The following THSD7B variants were observed in gnomAD, a reference collection of about 807,000 sequenced individuals.
THSD7B encodes the protein thrombospondin type 1 domain containing 7B, also known as thrombospondin type-1 domain-containing protein 7B.
A neutral mutation model predicts 213.6 loss-of-function variants in THSD7B; 138 were observed. That is an observed-to-expected ratio of 0.65 (90% CI 0.56 to 0.74). The LOEUF (loss-of-function observed/expected upper bound fraction) is 0.74. Ranked by LOEUF, THSD7B falls within the 30% of genes least tolerant of loss-of-function variation. The pLI, the probability that THSD7B is intolerant of heterozygous loss-of-function variation, is 0.00. For synonymous variants in THSD7B, 742 were observed against 687.0 expected (o/e 1.08, Z -1.25); for missense variants, 1,931 against 1,991.5 (o/e 0.97, Z 0.58).
At chr2:137,313,241 G>T (rs1161088902) in intron 12 of THSD7B, among the ~76,000 whole-genome samples, 1 of 152,174 alleles carries the variant, frequency 6.6e-6, no homozygotes, top group Non-Finnish European at 1.5e-5. Flanking sequence ...TTGTTGAATT[G>T]ATCCCTTTAC....
At chr2:136,775,188 C>T (rs999323211) in intron 1 of THSD7B, among the ~76,000 whole-genome samples, 3 of 152,070 alleles carry the variant, frequency 2.0e-5, no homozygotes, top group African/African-American at 7.2e-5. Flanking sequence ...TCGTTGCCAC[C>T]TTGCAGGGTA....
chr2:137,415,055 CA>C (rs56403642), intron 14 of THSD7B, among the ~76,000 whole-genome samples: 12 of 122,772 alleles, frequency 9.8e-5, no homozygotes, highest in African/African-American at 1.4e-4. Flanking sequence ...GACCCTGTCT[CA>C]AAAAAAAAAA....
chr2:136,908,364 G>A (rs1684202588), intron 2 of THSD7B, among the ~76,000 whole-genome samples: 1 of 152,272 alleles, frequency 6.6e-6, no homozygotes, highest in Admixed American at 6.5e-5. Flanking sequence ...AGAAAACTAT[G>A]AGATTATCAT....
intron 4 of THSD7B, among the ~76,000 whole-genome samples, chr2:137,095,842 T>G (rs1688030240): frequency 6.6e-6 from 1 of 152,070 alleles, no homozygotes; most frequent in African/African-American, 2.4e-5. Context: ...ACTATAGGCA[T>G]GTGCTACAGT....
intron 2 of THSD7B, among the ~76,000 whole-genome samples, chr2:136,978,623 C>T (rs1685525263): frequency 6.6e-6 from 1 of 152,068 alleles, no homozygotes; most frequent in Non-Finnish European, 1.5e-5. Flanking sequence ...CTTTTTTCTA[C>T]TTTCTGTTTG....
intron 2 of THSD7B, among the ~76,000 whole-genome samples, chr2:136,983,377 A>ACAGACACACACACACACACACACACT (rs1553462398): frequency 1.4e-4 from 20 of 146,302 alleles, no homozygotes; most frequent in African/African-American, 2.9e-4. Flanking sequence ...ACACGCACAC[A>ACAGACACACACACACACACACACACT]CACTCACTCT....
At chr2:136,795,702 A>G (rs1682047997) in intron 1 of THSD7B, among the ~76,000 whole-genome samples, 1 of 151,652 alleles carries the variant, frequency 6.6e-6, no homozygotes, top group African/African-American at 2.4e-5. Flanking sequence ...TTTATTTTCT[A>G]TTTGTTGCAT....
At chr2:137,212,359 A>C (rs953867711) in intron 7 of THSD7B, among the ~76,000 whole-genome samples, 1 of 152,068 alleles carries the variant, frequency 6.6e-6, no homozygotes, top group African/African-American at 2.4e-5. Flanking sequence ...AATGGTACAC[A>C]TAAGTTATTC....
At position 137,098,780 on chromosome 2, in the gene THSD7B, G is replaced by A. The variant is rs191109538; in HGVS notation, c.1199+3659G>A. ...CATTTTCACACTAAACACTATGAGT[G>A]ACTGTCCCTAAGGCATGACTCCATG... is the stretch of plus-strand genomic sequence containing the variant. On this transcript the variant is annotated intron_variant, in intron 4 of 27. Coordinates refer to ENST00000409968, the MANE Select transcript of THSD7B (RefSeq NM_001316349.2). Among the ~76,000 whole-genome samples the A allele has an allele frequency of 8.5e-4, 130 of 152,212 alleles. 1 individual carries two copies. The highest frequency in any genetic ancestry group is 1.4e-3 in the Non-Finnish European group (97 of 68,024).
At chr2:137,453,348 GAGACAGAGTCTCAC>G in intron 15 of THSD7B, among the ~76,000 whole-genome samples, 1 of 12,132 alleles carries the variant, frequency 8.2e-5, no homozygotes, top group African/African-American at 3.3e-4. Flanking sequence ...TTTTTTTTTT[GAGACAGAGTCTCAC>G]TCTGTCTCCC....
intron 15 of THSD7B, among the ~76,000 whole-genome samples, chr2:137,501,466 G>T (rs957412783): frequency 6.6e-5 from 10 of 151,886 alleles, no homozygotes; most frequent in Non-Finnish European, 1.3e-4. Flanking sequence ...TTTATTAAGA[G>T]ATCAAAATAT....
intron 1 of THSD7B, among the ~76,000 whole-genome samples, chr2:136,823,995 T>C (rs770389552): frequency 4.7e-4 from 72 of 152,316 alleles, no homozygotes; most frequent in Admixed American, 2.4e-3. Flanking sequence ...TGGCTCAGAA[T>C]TGTACTAAAC....
chr2:136,933,173 C>T (rs1684663581), intron 2 of THSD7B, among the ~76,000 whole-genome samples: 1 of 95,420 alleles, frequency 1.0e-5, no homozygotes, highest in Non-Finnish European at 2.0e-5. Flanking sequence ...CCTTCCTGTT[C>T]AACATTGACT....
At chr2:137,006,220 C>T (rs12621755) in intron 2 of THSD7B, among the ~76,000 whole-genome samples, 40,031 of 151,840 alleles carry the variant, frequency 0.26, 5,336 homozygotes, top group African/African-American at 0.28. Flanking sequence ...GGTGAAACCC[C>T]GTCTCTACTA....
chr2:137,639,910 C>G (rs1251773680), intron 20 of THSD7B, among the ~76,000 whole-genome samples: 3 of 152,190 alleles, frequency 2.0e-5, no homozygotes, highest in Non-Finnish European at 4.4e-5. Flanking sequence ...TTTGATTTTA[C>G]AGGCTCATAA....
rs926350556 is a variant in THSD7B at position 136,847,490 on chromosome 2, G to A, written c.-35-34654G>A. Among the ~76,000 whole-genome samples the A allele has an allele frequency of 2.0e-5, 3 of 152,080 alleles. No individual in the cohort carries two copies. In the East Asian group the frequency reaches 5.8e-4, roughly 29 times the overall value. On this transcript the variant is annotated intron_variant, in intron 1 of 27. Coordinates refer to ENST00000409968, the MANE Select transcript of THSD7B (RefSeq NM_001316349.2). ...AAGATTATGGGTATTCCTGGGAGGG[G>A]CCCCATGGCTTTCTGATAAAGTCCT...
At chr2:137,512,010 CT>C (rs1679971287) in intron 15 of THSD7B, 1 of 152,192 alleles carries the variant, frequency 6.6e-6, no homozygotes, top group Non-Finnish European at 1.5e-5. Context: ...CTATTCTTAC[CT>C]GATGAATTAG....
intron 18 of THSD7B, 60 bp from the exon 19 acceptor site, chr2:137,618,332 T>C: frequency 1.5e-6 from 2 of 1,317,214 alleles, no homozygotes; most frequent in Non-Finnish European, 2.2e-6. Flanking sequence ...AAAGGTCTGT[T>C]GTATTTTGCT....
intron 5 of THSD7B, among the ~76,000 whole-genome samples, chr2:137,127,340 G>A (rs1040019396): frequency 2.6e-5 from 4 of 152,128 alleles, no homozygotes; most frequent in African/African-American, 7.2e-5. Flanking sequence ...AAGAGGAACA[G>A]GTGCCCTAAC....
Sources: allele counts gnomAD v4.1 joint callset (sites outside exome capture counted in the v4.1 genomes callset), GRCh38; gene constraint gnomAD v4.1.1; transcripts MANE v1.5; gene names NCBI Gene and HGNC (gene_info 2026-07-23, HGNC 2026-07-21).